SLC35D4: variants seen among roughly 807,000 people sequenced by gnomAD.
The protein encoded by SLC35D4 is solute carrier family 35 member D4.
chr18:23,410,479 A>G, the SLC35D4 span, among the ~76,000 whole-genome samples: 1 of 147,030 alleles, frequency 6.8e-6, no homozygotes, highest in African/African-American at 2.5e-5. Flanking sequence ...CTCTGTCTCA[A>G]AAAAAAAAAA....
the SLC35D4 span, chr18:23,371,509 G>A: frequency 2.6e-6 from 4 of 1,525,624 alleles, no homozygotes; most frequent in South Asian, 3.7e-5. Flanking sequence ...ATGGCTATAA[G>A]TGCAAGGCAA....
the SLC35D4 span, among the ~76,000 whole-genome samples, chr18:23,323,072 G>T: frequency 2.0e-5 from 3 of 152,182 alleles, no homozygotes; most frequent in Non-Finnish European, 1.5e-5. Context: ...GGAAAGGAAG[G>T]GCATGTGGTT....
chr18:23,426,238 T>C, the SLC35D4 span, among the ~76,000 whole-genome samples: 256 of 152,212 alleles, frequency 1.7e-3, 7 homozygotes, highest in East Asian at 0.045. Flanking sequence ...ATAAAAAATA[T>C]TTAAATAATC....
the SLC35D4 span, among the ~76,000 whole-genome samples, chr18:23,346,517 C>CTT: frequency 1.4e-5 from 2 of 144,182 alleles, no homozygotes; most frequent in African/African-American, 2.5e-5. Context: ...AATCTGGATG[C>CTT]TTTTTTTTTT....
chr18:23,280,407 C>T, the SLC35D4 span, among the ~76,000 whole-genome samples: 1 of 152,232 alleles, frequency 6.6e-6, no homozygotes, highest in South Asian at 2.1e-4. Flanking sequence ...CCCCTGGTTC[C>T]CTTCCTCATG....
At chr18:23,369,391 CTGAAGTCT>C in the SLC35D4 span, among the ~76,000 whole-genome samples, 1 of 152,198 alleles carries the variant, frequency 6.6e-6, no homozygotes, top group Non-Finnish European at 1.5e-5. Flanking sequence ...CGCTCCAGGC[CTGAAGTCT>C]TGTCTTTTCT....
chr18:23,321,351 G>A, the SLC35D4 span, among the ~76,000 whole-genome samples: 31 of 152,046 alleles, frequency 2.0e-4, no homozygotes, highest in African/African-American at 5.5e-4. Context: ...TTTTTTATAC[G>A]TGCAAAAACA....
the SLC35D4 span, among the ~76,000 whole-genome samples, chr18:23,317,659 T>C: frequency 6.6e-6 from 1 of 152,186 alleles, no homozygotes; most frequent in African/African-American, 2.4e-5. Context: ...TGTGTCCCCA[T>C]ACAACTACTT....
chr18:23,312,849 C>T, the SLC35D4 span, among the ~76,000 whole-genome samples: 38 of 152,154 alleles, frequency 2.5e-4, no homozygotes, highest in African/African-American at 7.0e-4. Context: ...CTGAGCCAAC[C>T]GGGCGCGGTG....
chr18:23,373,228 T>C, the SLC35D4 span, among the ~76,000 whole-genome samples: 12 of 152,120 alleles, frequency 7.9e-5, no homozygotes, highest in African/African-American at 2.2e-4. Flanking sequence ...GGCAGGAGAA[T>C]TGCTTGAACC....
chr18:23,270,092 GC>G, the SLC35D4 span, among the ~76,000 whole-genome samples: 1 of 152,186 alleles, frequency 6.6e-6, no homozygotes, highest in Non-Finnish European at 1.5e-5. Flanking sequence ...CCCATCACAG[GC>G]CCAGAGGCCT....
At chr18:23,346,328 C>T in the SLC35D4 span, among the ~76,000 whole-genome samples, 2 of 152,104 alleles carry the variant, frequency 1.3e-5, no homozygotes, top group African/African-American at 4.8e-5. Context: ...GAGACAGGAT[C>T]TCACTATGTT....
chr18:23,426,430 G>A, the SLC35D4 span, among the ~76,000 whole-genome samples: 1 of 152,068 alleles, frequency 6.6e-6, no homozygotes, highest in Non-Finnish European at 1.5e-5. Flanking sequence ...GCTTCAAAGA[G>A]AATAAAATAC....
chr18:23,343,312 G>A, the SLC35D4 span, among the ~76,000 whole-genome samples: 3 of 151,838 alleles, frequency 2.0e-5, no homozygotes, highest in African/African-American at 7.3e-5. Context: ...AGGCTAGAGT[G>A]CAATGGCGTG....
the SLC35D4 span, chr18:23,377,678 A>G: frequency 1.3e-6 from 2 of 1,570,094 alleles, no homozygotes; most frequent in African/African-American, 1.4e-5. Context: ...TTTTCTGCAT[A>G]AAAGTAAAGA....
At chr18:23,305,025 C>G in the SLC35D4 span, among the ~76,000 whole-genome samples, 1 of 152,180 alleles carries the variant, frequency 6.6e-6, no homozygotes, top group Admixed American at 6.5e-5. Flanking sequence ...TGTTGGATAT[C>G]TTATATTTCT....
At chr18:23,388,598 T>C in the SLC35D4 span, among the ~76,000 whole-genome samples, 13 of 137,852 alleles carry the variant, frequency 9.4e-5, no homozygotes, top group Non-Finnish European at 2.0e-4. Context: ...TCAATATGAC[T>C]GGTGTGTTCC....
the SLC35D4 span, among the ~76,000 whole-genome samples, chr18:23,255,658 C>T: frequency 6.6e-6 from 1 of 151,368 alleles, no homozygotes; most frequent in African/African-American, 2.4e-5. Context: ...CTCCCAGACT[C>T]AAGCAATCCT....
At chr18:23,367,028 G>T in the SLC35D4 span, among the ~76,000 whole-genome samples, 1 of 152,106 alleles carries the variant, frequency 6.6e-6, no homozygotes, top group Non-Finnish European at 1.5e-5. Context: ...TTACCTCCCT[G>T]AATCCCTTTT....
Sources: gnomAD v4.1 joint callset for allele counts (sites outside exome capture counted in the v4.1 genomes callset) on GRCh38, gnomAD v4.1.1 for gene constraint, MANE v1.5 for transcripts, NCBI Gene and HGNC (gene_info 2026-07-23, HGNC 2026-07-21) for gene names.